Variants in DIABLO observed in about 807,000 individuals in gnomAD.
DIABLO encodes diablo homolog, mitochondrial.
A neutral mutation model predicts 31.7 loss-of-function variants in DIABLO; 32 were observed. The ratio of observed to expected loss-of-function variants is 1.01; its 90% CI spans 0.76 to 1.35. The LOEUF (loss-of-function observed/expected upper bound fraction) is 1.35, where lower values mean the gene tolerates loss of function less well. Ranked by LOEUF, DIABLO falls within the 40% of genes most tolerant of loss-of-function variation. DIABLO has a pLI of 0.00. For missense variants in DIABLO, 316 were observed against 286.4 expected (o/e 1.10, Z -0.75); for synonymous variants, 132 against 103.2 (o/e 1.28, Z -1.69).
At chr12:122,226,197 C>A (rs1256229504), upstream of DIABLO, 1 of 973,700 alleles carries the variant, frequency 1.0e-6, no homozygotes, top group Non-Finnish European at 1.6e-6. Context: ...CTGTAACGGC[C>A]GCGCAAGGCA....
intron 5 of DIABLO, 146 bp from the exon 6 acceptor site, chr12:122,208,723 G>A (rs1252396330): frequency 2.5e-6 from 2 of 793,082 alleles, no homozygotes; most frequent in Admixed American, 2.0e-5. Context: ...TCTCTGCAAA[G>A]AAACTTCCAC....
In DIABLO at chr12:122,224,636, T is replaced by G. The variant is rs201330335; in HGVS notation, c.59A>C (p.Gln20Pro). ...RSVTSFFRYR[Q>P]CLCVPVVANF... ...AGCCACAACAGGAACACACAAACAC[T>G]GTCTGTACCTGGAAGTAGAAGTCAG... Residue 20 changes from glutamine (Q) to proline (P), a missense_variant, in exon 2 of 6, where the codon CAG becomes CCG. Coordinates refer to ENST00000464942, the MANE Select transcript of DIABLO (RefSeq NM_001371333.1). 42 of 1,614,134 alleles carry G rather than the reference T, an allele frequency of 2.6e-5. No homozygotes were observed. In the Admixed American group the frequency reaches 7.0e-4, roughly 27 times the overall value.
upstream of DIABLO, chr12:122,226,742 A>ATCCT (rs1242535507): frequency 1.8e-6 from 1 of 568,240 alleles, no homozygotes; most frequent in Non-Finnish European, 3.1e-6. Flanking sequence ...ACACTGGAGA[A>ATCCT]TCCTTCTCAA....
Position 122,224,711 on chromosome 12 carries a change from G to C in DIABLO, c.51-67C>G, listed in dbSNP as rs541716699. 3.7e-6 allele frequency: 6 copies of C among 1,613,516 alleles called. No individual in the cohort carries two copies. In the South Asian group the frequency reaches 5.5e-5, roughly 15 times the overall value. On this transcript the variant is annotated intron_variant, in intron 1 of 5. Coordinates refer to ENST00000464942, the MANE Select transcript of DIABLO (RefSeq NM_001371333.1). ...CTGTAACAGGCTCTTGGATTTACTT[G>C]CAGGGGCTGTAAACTCAAACTCGAG...
Position 122,208,418 on chromosome 12 carries a change from G to A in DIABLO, c.683C>T (p.Ala228Val). 6.2e-7 allele frequency: 1 copy of A among 1,613,340 alleles called. No individual in the cohort carries two copies. Among genetic ancestry groups the A allele is most frequent in the Non-Finnish European group, 8.5e-7 (1 of 1,180,032 alleles). The change falls in exon 6 of 6, where the codon GCT becomes GTT. Residue 228 changes from alanine to valine, a missense_variant. Physicochemically the swap from Ala to Val is moderately conservative, Grantham distance 64. Coordinates refer to ENST00000464942, the MANE Select transcript of DIABLO (RefSeq NM_001371333.1). ...CAGGTAGGCCTCCTGCTCCGACTCA[G>A]CCCGCTCCTCCCCTTCCTCCTGTGT... is the stretch of plus-strand genomic sequence containing the variant. ...QKTQEEGEERAESEQEAYLRE... is the reference protein window; with the variant it reads ...QKTQEEGEERVESEQEAYLRE...
intron 2 of DIABLO, chr12:122,222,144 G>C (rs1244400312): frequency 6.6e-6 from 1 of 152,130 alleles, no homozygotes; most frequent in Admixed American, 6.5e-5. Context: ...TTTTTTAAAT[G>C]AAGTGCCACT....
intron 2 of DIABLO, chr12:122,221,350 GACTC>G (rs1018945010): frequency 2.0e-5 from 3 of 152,138 alleles, no homozygotes; most frequent in African/African-American, 7.2e-5. Context: ...AGAGAAATGA[GACTC>G]ACTAGGGCCC....
At position 122,207,985 on chromosome 12, in the gene DIABLO, G is replaced by A. The variant is rs1953966758; in HGVS notation, c.*396C>T. ...CTGCCACAACTGGCATCCCAACAGA[G>A]GGAACAAGTACTAAATCATTTTTGA... On this transcript the variant is annotated 3_prime_UTR_variant, in exon 6 of 6. Transcript: ENST00000464942. The A allele has an allele frequency of 2.1e-6, 1 of 472,334 alleles. No individual in the cohort carries two copies. The highest frequency in any genetic ancestry group is 4.2e-6 in the Non-Finnish European group (1 of 239,694). 29.3% of individuals were successfully genotyped at this position (472,334 alleles called of 1,614,324 possible). A position where few individuals can be genotyped will look rare whatever the true frequency, so the allele number is the denominator to read the frequency against.
At chr12:122,225,537 C>A (rs1954440744) in intron 1 of DIABLO, 1 of 1,098,770 alleles carries the variant, frequency 9.1e-7, no homozygotes. Context: ...CAGGAGCCTG[C>A]AGCGCTAGGT....
In DIABLO at chr12:122,218,018, C is replaced by T. The variant is rs187352243; in HGVS notation, c.315+248G>A. Among the ~76,000 whole-genome samples the T allele has an allele frequency of 2.4e-3, 361 of 150,352 alleles. 1 individual carries two copies. The highest frequency in any genetic ancestry group is 8.3e-3 in the African/African-American group (338 of 40,912). ...AAGGTTCCTGGGAAAAGTCTAAAAA[C>T]GAGTGATTTAGATCAGGGCTCAGCA... On this transcript the variant is annotated intron_variant, in intron 3 of 5. Transcript: ENST00000464942.
intron 5 of DIABLO, among the ~76,000 whole-genome samples, chr12:122,210,219 AGAG>A: frequency 6.6e-6 from 1 of 152,244 alleles, no homozygotes; most frequent in East Asian, 1.9e-4. Flanking sequence ...TACAGTAGTA[AGAG>A]GAGGCTTGTC....
intron 2 of DIABLO, among the ~76,000 whole-genome samples, chr12:122,223,011 C>A (rs1408609031): frequency 6.6e-6 from 1 of 151,946 alleles, no homozygotes; most frequent in Non-Finnish European, 1.5e-5. Context: ...ATTCTCCCCA[C>A]CTCTTCTGCT....
At position 122,207,871 on chromosome 12, in the gene DIABLO, C is replaced by G; in HGVS notation, c.*510G>C. On this transcript the variant is annotated 3_prime_UTR_variant, in exon 6 of 6. Coordinates refer to ENST00000464942, the MANE Select transcript of DIABLO (RefSeq NM_001371333.1). ...TAGGTTTTTCACTCCTTGGCCTCAG[C>G]TGTCCTCACAGGACAGTGGGGGCAG... The G allele has an allele frequency of 2.2e-6, 1 of 460,584 alleles. No homozygotes were observed. Among genetic ancestry groups the G allele is most frequent in the Non-Finnish European group, 4.3e-6 (1 of 231,330 alleles). The allele number at this position is 460,584 out of a possible 1,614,324, so 28.5% of individuals were successfully genotyped here. A position where few individuals can be genotyped will look rare whatever the true frequency, so the allele number is the denominator to read the frequency against.
chr12:122,216,885 G>T lies in DIABLO; in HGVS notation c.316-16C>A. ...TATAAACAGCCTACAAATAGAGAATGAACAAGTCTGAGTAAAGTAAGTGAG... is the reference window on the plus strand; with the variant it reads ...TATAAACAGCCTACAAATAGAGAATTAACAAGTCTGAGTAAAGTAAGTGAG... On this transcript the variant is annotated splice_polypyrimidine_tract_variant and intron_variant, in intron 3 of 5. Transcript: ENST00000464942. 6.3e-7 allele frequency: 1 copy of T among 1,593,660 alleles called. No homozygotes were observed. Among genetic ancestry groups the T allele is most frequent in the South Asian group, 1.1e-5 (1 of 90,538 alleles).
chr12:122,215,680 T>TGGGGCACCAC (rs1954193440), intron 5 of DIABLO, among the ~76,000 whole-genome samples: 1 of 151,996 alleles, frequency 6.6e-6, no homozygotes, highest in Non-Finnish European at 1.5e-5. Flanking sequence ...ATGGGCACCT[T>TGGGGCACCAC]GGGGCACCAC....
At chr12:122,209,925 A>G in intron 5 of DIABLO, 1 of 641,400 alleles carries the variant, frequency 1.6e-6, no homozygotes, top group East Asian at 2.7e-5. Context: ...ATCTCTTCAT[A>G]ATTGTACTTA....
At chr12:122,218,872 G>A (rs1247976669) in intron 2 of DIABLO, 2 of 188,606 alleles carry the variant, frequency 1.1e-5, no homozygotes, top group Non-Finnish European at 2.2e-5. Flanking sequence ...GAACCCAGGA[G>A]GCAGAGGTTA....
intron 1 of DIABLO, chr12:122,224,846 G>A: frequency 6.0e-6 from 9 of 1,492,602 alleles, no homozygotes; most frequent in Non-Finnish European, 8.0e-6. Flanking sequence ...GCTCACGCCT[G>A]TAATCCTAGC....
intron 1 of DIABLO, 51 bp downstream of exon 1, chr12:122,225,914 G>C: frequency 6.4e-7 from 1 of 1,554,262 alleles, no homozygotes; most frequent in African/African-American, 1.4e-5. Flanking sequence ...AGCGCTGTCC[G>C]CGTCGGTCCC....
Sources: allele counts gnomAD v4.1 joint callset (sites outside exome capture counted in the v4.1 genomes callset), GRCh38; gene constraint gnomAD v4.1.1; transcripts MANE v1.5; gene names NCBI Gene and HGNC (gene_info 2026-07-23, HGNC 2026-07-21).